Variants in WWC2 observed in about 807,000 individuals in gnomAD.
The protein encoded by WWC2 is protein WWC2.
WWC2 carries 101 observed loss-of-function variants against 138.5 expected under a neutral mutation model. The ratio of observed to expected loss-of-function variants is 0.73; its 90% CI spans 0.62 to 0.86. WWC2 has a LOEUF of 0.86. WWC2 is among the 40% of genes least tolerant of loss of function. The probability of loss-of-function intolerance (pLI) is 0.00; values close to 1 mark genes in which losing one functional copy is unlikely to be tolerated. For missense variants in WWC2, 1,420 were observed against 1,419.4 expected, an observed-to-expected ratio of 1.00 and a Z score of -0.01; for synonymous variants, 558 against 538.4, an observed-to-expected ratio of 1.04 and a Z score of -0.50.
At chr4:183,133,139 C>CTTTCTTTTT (rs1579971007) in intron 1 of WWC2, among the ~76,000 whole-genome samples, 2 of 88,008 alleles carry the variant, frequency 2.3e-5, no homozygotes, top group Non-Finnish European at 4.6e-5. Context: ...TCTTTTCTTT[C>CTTTCTTTTT]TTTCTTTTTT....
intron 20 of WWC2, 147 bp from the exon 21 acceptor site, chr4:183,289,246 G>A: frequency 1.6e-6 from 2 of 1,223,152 alleles, no homozygotes; most frequent in Non-Finnish European, 2.2e-6. Context: ...CACCTGCCAT[G>A]GGCCAGAGCG....
intron 19 of WWC2, among the ~76,000 whole-genome samples, chr4:183,285,630 T>G (rs1738222012): frequency 6.6e-6 from 1 of 152,062 alleles, no homozygotes; most frequent in Non-Finnish European, 1.5e-5. Context: ...CATGGTGGCG[T>G]GCGCCTGTAA....
chr4:183,185,360 A>G (rs888589299), intron 1 of WWC2, among the ~76,000 whole-genome samples: 1 of 152,234 alleles, frequency 6.6e-6, no homozygotes, highest in Non-Finnish European at 1.5e-5. Context: ...AATATGAACA[A>G]TTAACTTGGA....
chr4:183,261,010 TC>T lies in WWC2; in HGVS notation c.1390del (p.Leu464SerfsTer15). ...CACCTCCAGCAGAGGGTCACTCAAC[TC>T]CCTCAGTTCCACCGAACTCTATTAC... ...LNTSSRGSLNSLSSTELYYSS... is the reference protein window; with the variant it reads ...LNTSSRGSLNXLSSTELYYSS... On this transcript the variant is annotated frameshift_variant, in exon 11 of 23. Coordinates refer to ENST00000403733, the MANE Select transcript of WWC2 (RefSeq NM_024949.6). LOFTEE classifies it high-confidence loss of function. The T allele has an allele frequency of 6.2e-7, 1 of 1,613,948 alleles. No homozygotes were observed. Among genetic ancestry groups the T allele is most frequent in the Non-Finnish European group, 8.5e-7 (1 of 1,179,874 alleles).
At position 183,165,370 on chromosome 4, in the gene WWC2, A is replaced by G. The variant is rs145715790; in HGVS notation, c.132-28229A>G. Among the ~76,000 whole-genome samples, 847 of 152,322 alleles carry G rather than the reference A, an allele frequency of 5.6e-3. 7 individuals are homozygous for G. The highest frequency in any genetic ancestry group is 0.02 in the African/African-American group (813 of 41,550). ...CAACAGAAAAGCATCTTTGGCCTCT[A>G]TGACATTAAAATATTTGAGCATTAA... is the stretch of plus-strand genomic sequence containing the variant. On this transcript the variant is annotated intron_variant, in intron 1 of 22. Transcript: ENST00000403733.
chr4:183,170,555 A>C (rs944542492), intron 1 of WWC2, among the ~76,000 whole-genome samples: 1 of 152,202 alleles, frequency 6.6e-6, no homozygotes, highest in Non-Finnish European at 1.5e-5. Context: ...AAAGTCCTGA[A>C]GGTGAAACCT....
intron 1 of WWC2, among the ~76,000 whole-genome samples, chr4:183,156,979 A>C (rs534049948): frequency 6.6e-6 from 1 of 152,324 alleles, no homozygotes; most frequent in African/African-American, 2.4e-5. Flanking sequence ...AGTAAATTGC[A>C]GATATGATAC....
At chr4:183,281,171 A>C (rs1459534738) in intron 17 of WWC2, 1 of 449,120 alleles carries the variant, frequency 2.2e-6, no homozygotes. Flanking sequence ...TTTTTAGTCT[A>C]AACTTGATTT....
chr4:183,166,723 A>T (rs939445314), intron 1 of WWC2, among the ~76,000 whole-genome samples: 1 of 152,216 alleles, frequency 6.6e-6, no homozygotes, highest in African/African-American at 2.4e-5. Context: ...ATCAGTGATT[A>T]CAGCCCTGGA....
chr4:183,136,803 C>G (rs2111085343), intron 1 of WWC2, among the ~76,000 whole-genome samples: 1 of 152,260 alleles, frequency 6.6e-6, no homozygotes, highest in Middle Eastern at 3.4e-3. Context: ...TCTTCTTCTT[C>G]CAGTGTGGCC....
At chr4:183,302,866 C>T (rs1447920377) in intron 21 of WWC2, among the ~76,000 whole-genome samples, 1 of 151,978 alleles carries the variant, frequency 6.6e-6, no homozygotes, top group Non-Finnish European at 1.5e-5. Context: ...GAGTTCAAGA[C>T]CAGCCTGGAC....
At chr4:183,229,090 G>A (rs1222760968) in intron 4 of WWC2, among the ~76,000 whole-genome samples, 1 of 152,074 alleles carries the variant, frequency 6.6e-6, no homozygotes, top group African/African-American at 2.4e-5. Context: ...GCACAAGAGT[G>A]GCTTCTAGGA....
chr4:183,225,269 C>CA (rs1736038673), intron 4 of WWC2, among the ~76,000 whole-genome samples: 1 of 152,010 alleles, frequency 6.6e-6, no homozygotes, highest in Non-Finnish European at 1.5e-5. Context: ...GATAGTGACA[C>CA]AAAAATAGGA....
At chr4:183,168,252 A>G (rs935108659) in intron 1 of WWC2, among the ~76,000 whole-genome samples, 1 of 150,544 alleles carries the variant, frequency 6.6e-6, no homozygotes, top group African/African-American at 2.4e-5. Context: ...TCTTTTGGGT[A>G]ACAGGGATTT....
chr4:183,157,329 A>T (rs1733834209), intron 1 of WWC2, among the ~76,000 whole-genome samples: 1 of 152,098 alleles, frequency 6.6e-6, no homozygotes, highest in Non-Finnish European at 1.5e-5. Context: ...TTCTCAACAT[A>T]CCATGTCAGG....
rs187980828 is a variant in WWC2, at chr4:183,170,134, T to A, written c.132-23465T>A. 4.9e-4 allele frequency among the ~76,000 whole-genome samples: 75 copies of A among 152,326 alleles called. 1 individual carries two copies. The East Asian group carries it at 0.01, about 20-fold the overall frequency. ...AGAGGATTAGTATTCCAGATGCTTA[T>A]TAACTTAAAAAGACACGAACATTAG... On this transcript the variant is annotated intron_variant, in intron 1 of 22. Coordinates refer to ENST00000403733, the MANE Select transcript of WWC2 (RefSeq NM_024949.6).
At chr4:183,287,479 G>C (rs1306939586) in intron 20 of WWC2, among the ~76,000 whole-genome samples, 1 of 152,180 alleles carries the variant, frequency 6.6e-6, no homozygotes, top group Non-Finnish European at 1.5e-5. Context: ...GAATCGAGTG[G>C]AGTTGAGAAA....
chr4:183,261,703 T>C (rs553544194), intron 11 of WWC2, among the ~76,000 whole-genome samples, 171 bp downstream of exon 11: 1 of 152,236 alleles, frequency 6.6e-6, no homozygotes, highest in Non-Finnish European at 1.5e-5. Context: ...TAGATATTTT[T>C]CATTATCAAA....
At chr4:183,141,486 A>G (rs1238837621) in intron 1 of WWC2, among the ~76,000 whole-genome samples, 1 of 152,198 alleles carries the variant, frequency 6.6e-6, no homozygotes, top group South Asian at 2.1e-4. Flanking sequence ...TTGTGGGACC[A>G]TAATTCAGCC....
Sources: allele counts gnomAD v4.1 joint callset (sites outside exome capture counted in the v4.1 genomes callset), GRCh38; gene constraint gnomAD v4.1.1; transcripts MANE v1.5; gene names NCBI Gene and HGNC (gene_info 2026-07-23, HGNC 2026-07-21).